The following MRPL48 variants were observed in gnomAD, a reference collection of about 807,000 sequenced individuals.
MRPL48 encodes large ribosomal subunit protein mL48.
Under a neutral mutation model 32.9 loss-of-function variants are expected in MRPL48, and 16 were observed. That is an observed-to-expected ratio of 0.49 (90% confidence interval 0.33 to 0.74). The LOEUF is 0.74. Ranked by LOEUF, MRPL48 falls within the 30% of genes least tolerant of loss-of-function variation. The probability of loss-of-function intolerance (pLI) is 0.02; values close to 1 mark genes in which losing one functional copy is unlikely to be tolerated. For missense variants in MRPL48, 206 were observed against 245.3 expected (o/e 0.84, Z 1.07); for synonymous variants, 94 against 89.2 (o/e 1.05, Z -0.31).
chr11:73,829,738 T>C (rs987420568), intron 4 of MRPL48, among the ~76,000 whole-genome samples: 3 of 152,194 alleles, frequency 2.0e-5, no homozygotes, highest in African/African-American at 7.2e-5. Flanking sequence ...AACTGCTCTA[T>C]GTTTTAATCA....
chr11:73,807,005 G>T (rs953172760), intron 2 of MRPL48, among the ~76,000 whole-genome samples: 1 of 151,832 alleles, frequency 6.6e-6, no homozygotes, highest in Admixed American at 6.6e-5. Context: ...GAGTAGCTGG[G>T]GTTACAGGCG....
chr11:73,787,925 G>A lies in MRPL48; in HGVS notation c.-47G>A, dbSNP rs763194438. On this transcript the variant is annotated 5_prime_UTR_variant, in exon 1 of 8. Transcript: ENST00000310614. ...AGACGCCCTGGGAACGCGGCTGCAG[G>A]GTCCGGTCTTCGGTTTGCACAGCTA... 5 of 1,604,790 alleles carry A rather than the reference G, an allele frequency of 3.1e-6. No individual in the cohort carries two copies. The highest frequency in any genetic ancestry group is 3.4e-6 in the Non-Finnish European group (4 of 1,174,568).
intron 1 of MRPL48, among the ~76,000 whole-genome samples, chr11:73,796,498 C>T (rs1947256229): frequency 6.6e-6 from 1 of 152,372 alleles, no homozygotes; most frequent in South Asian, 2.1e-4. Flanking sequence ...AGGAGGGAAG[C>T]CAAAGCGGGG....
intron 3 of MRPL48, among the ~76,000 whole-genome samples, chr11:73,813,553 C>A (rs1947606812): frequency 6.6e-6 from 1 of 151,948 alleles, no homozygotes; most frequent in Non-Finnish European, 1.5e-5. Flanking sequence ...TAATATAGTT[C>A]TTATATATTA....
rs560958358 is a variant in MRPL48 at position 73,796,191 on chromosome 11, G to A, written c.21+8199G>A. On this transcript the variant is annotated intron_variant, in intron 1 of 7. Transcript: ENST00000310614. The stretch of plus-strand genomic sequence containing the variant: ...GGCCTCTTGCTCCACGGAGCAAGCA[G>A]GAGCTCCGCTCTTCCGAGTGCAGTT... Among the ~76,000 whole-genome samples, 3 of 152,256 alleles carry A rather than the reference G, an allele frequency of 2.0e-5. No individual in the cohort carries two copies. The South Asian group carries it at 6.2e-4, about 32-fold the overall frequency.
At position 73,834,782 on chromosome 11, in the gene MRPL48, G is replaced by C. The variant is rs188931072; in HGVS notation, c.201+8986G>C. Among the ~76,000 whole-genome samples the C allele has an allele frequency of 1.7e-4, 26 of 151,002 alleles. No homozygotes were observed. In the East Asian group the frequency reaches 4.7e-3, roughly 27 times the overall value. The stretch of plus-strand genomic sequence containing the variant: ...TCTCCTGACCTCAGGTGATCTGCCC[G>C]CCTCAGCCTACCAAAGTGCTGGGAT... On this transcript the variant is annotated intron_variant, in intron 4 of 7. Transcript: ENST00000310614.
chr11:73,851,202 C>A, intron 5 of MRPL48: 1 of 426,170 alleles, frequency 2.3e-6, no homozygotes, highest in South Asian at 1.8e-5. Flanking sequence ...CACTGGGTGC[C>A]GCCATATTGG....
intron 6 of MRPL48, among the ~76,000 whole-genome samples, chr11:73,861,221 C>T (rs1948579584): frequency 6.6e-6 from 1 of 152,044 alleles, no homozygotes; most frequent in African/African-American, 2.4e-5. Flanking sequence ...TATAATATAT[C>T]CTGTGACAGA....
intron 4 of MRPL48, among the ~76,000 whole-genome samples, chr11:73,829,900 G>C (rs1298828544): frequency 6.6e-6 from 1 of 151,812 alleles, no homozygotes; most frequent in Non-Finnish European, 1.5e-5. Context: ...GAGTAGCTAG[G>C]ATTACAGGAG....
At chr11:73,811,896 C>T (rs867265152) in intron 3 of MRPL48, among the ~76,000 whole-genome samples, 5 of 151,064 alleles carry the variant, frequency 3.3e-5, no homozygotes, top group Non-Finnish European at 7.4e-5. Context: ...CTTTCCCAGT[C>T]TTTTTTTTTG....
At position 73,858,467 on chromosome 11, in the gene MRPL48, C is replaced by T. The variant is rs961524307; in HGVS notation, c.372-1440C>T. On this transcript the variant is annotated intron_variant, in intron 5 of 7. Coordinates refer to ENST00000310614, the MANE Select transcript of MRPL48 (RefSeq NM_016055.6). ...AATATTTAACTCCAGGACTGACTGTCATGTCTCTAGTCCATTTTCCATTAC... is the reference window on the plus strand; with the variant it reads ...AATATTTAACTCCAGGACTGACTGTTATGTCTCTAGTCCATTTTCCATTAC... 1.1e-4 allele frequency among the ~76,000 whole-genome samples: 17 copies of T among 152,328 alleles called. No individual in the cohort carries two copies. In the South Asian group the frequency reaches 2.9e-3, roughly 26 times the overall value.
At chr11:73,820,134 C>T (rs1274084754) in intron 3 of MRPL48, among the ~76,000 whole-genome samples, 1 of 152,104 alleles carries the variant, frequency 6.6e-6, no homozygotes, top group Non-Finnish European at 1.5e-5. Flanking sequence ...AAATATATAT[C>T]AGACATATAC....
At chr11:73,845,662 C>T (rs1054527639) in intron 5 of MRPL48, among the ~76,000 whole-genome samples, 6 of 152,108 alleles carry the variant, frequency 3.9e-5, no homozygotes, top group East Asian at 3.9e-4. Flanking sequence ...CCCACCTACT[C>T]GGGAGGGTGA....
intron 1 of MRPL48, 130 bp downstream of exon 1, chr11:73,788,122 A>T: frequency 7.3e-7 from 1 of 1,372,128 alleles, no homozygotes; most frequent in Non-Finnish European, 1.0e-6. Flanking sequence ...GGGGCGCCCA[A>T]GGTCCTTCCC....
intron 1 of MRPL48, among the ~76,000 whole-genome samples, chr11:73,790,880 CT>C (rs71469471): frequency 1.2e-3 from 108 of 86,406 alleles, no homozygotes; most frequent in Middle Eastern, 0.021. Context: ...CTTTTCTGTT[CT>C]TTTTTTTTTT....
At position 73,841,946 on chromosome 11, in the gene MRPL48, G is replaced by A. The variant is rs964301011; in HGVS notation, c.202-2861G>A. 2.0e-4 allele frequency among the ~76,000 whole-genome samples: 31 copies of A among 151,810 alleles called. 1 individual carries two copies. Among genetic ancestry groups the A allele is most frequent in the Non-Finnish European group, 7.4e-5 (5 of 67,950 alleles). The stretch of plus-strand genomic sequence containing the variant: ...CCAATGATACTAGTTTTTGGGGGGG[G>A]GTTTGTTTTTATTTTTGTTTTTGAG... On this transcript the variant is annotated intron_variant, in intron 4 of 7. Coordinates refer to ENST00000310614, the MANE Select transcript of MRPL48 (RefSeq NM_016055.6).
chr11:73,848,269 G>A (rs574320734), intron 5 of MRPL48, among the ~76,000 whole-genome samples: 32 of 151,468 alleles, frequency 2.1e-4, no homozygotes, highest in African/African-American at 7.3e-4. Context: ...CACCTTTTTT[G>A]ACAGCCAGTT....
chr11:73,815,827 C>T (rs1229761024), intron 3 of MRPL48, among the ~76,000 whole-genome samples: 2 of 151,794 alleles, frequency 1.3e-5, no homozygotes, highest in African/African-American at 4.8e-5. Context: ...AAGCTCAAGC[C>T]ATCCTCTCAC....
At chr11:73,853,503 C>T (rs1948434622) in intron 5 of MRPL48, among the ~76,000 whole-genome samples, 1 of 152,000 alleles carries the variant, frequency 6.6e-6, no homozygotes, top group African/African-American at 2.4e-5. Flanking sequence ...TCAGTTTCCT[C>T]ATCTATATAA....
Sources: gnomAD v4.1 joint callset for allele counts (sites outside exome capture counted in the v4.1 genomes callset) on GRCh38, gnomAD v4.1.1 for gene constraint, MANE v1.5 for transcripts, NCBI Gene and HGNC (gene_info 2026-07-23, HGNC 2026-07-21) for gene names.